Variants in NFAT5 observed in about 807,000 individuals in gnomAD.
The protein encoded by NFAT5 is nuclear factor of activated T-cells 5.
A neutral mutation model predicts 166.5 loss-of-function variants in NFAT5; 31 were observed. The observed-to-expected ratio is 0.19, with a 90% CI of 0.14 to 0.25. NFAT5 has a LOEUF of 0.25. Among genes scored for constraint, NFAT5 ranks in the 10% least tolerant of loss-of-function variants. NFAT5 has a pLI of 1.00. For missense variants in NFAT5, 1,449 were observed against 1,821.8 expected (o/e 0.80, Z 3.72); for synonymous variants, 612 against 639.7 (o/e 0.96, Z 0.65).
chr16:69,608,903 C>T (rs1371445363), intron 2 of NFAT5, among the ~76,000 whole-genome samples: 3 of 151,668 alleles, frequency 2.0e-5, no homozygotes, highest in East Asian at 3.9e-4. Context: ...GGGCGGATCA[C>T]GAGGTCAGGA....
intron 3 of NFAT5, among the ~76,000 whole-genome samples, chr16:69,645,820 T>C (rs1047248305): frequency 2.6e-5 from 4 of 152,190 alleles, no homozygotes; most frequent in African/African-American, 7.2e-5. Context: ...TAAAATGATA[T>C]CTAAAATGTT....
At chr16:69,586,923 G>A (rs1022137360) in intron 2 of NFAT5, among the ~76,000 whole-genome samples, 2 of 152,010 alleles carry the variant, frequency 1.3e-5, no homozygotes, top group Non-Finnish European at 2.9e-5. Flanking sequence ...TCTGATAAAG[G>A]TATTCTCTTT....
At chr16:69,577,460 A>G (rs2016823538) in intron 2 of NFAT5, among the ~76,000 whole-genome samples, 1 of 152,146 alleles carries the variant, frequency 6.6e-6, no homozygotes, top group African/African-American at 2.4e-5. Flanking sequence ...AAGAACAAAA[A>G]ATTTATTACC....
chr16:69,688,112 C>T (rs1018666065), intron 11 of NFAT5, among the ~76,000 whole-genome samples: 7 of 148,024 alleles, frequency 4.7e-5, no homozygotes, highest in Middle Eastern at 3.2e-3. Context: ...AGGAGAATGG[C>T]GTGAACCCGG....
At position 69,697,856 on chromosome 16, in the gene NFAT5, T is replaced by C. The variant is rs1047506401; in HGVS notation, c.*1505T>C. On this transcript the variant is annotated 3_prime_UTR_variant, in exon 15 of 15. Transcript: ENST00000349945. The stretch of plus-strand genomic sequence containing the variant: ...GTGTGGCTTCTATGTGTTGAGATAA[T>C]GTTTTGGTATCCTTGTCCGTTTCAT... 1.3e-5 allele frequency: 2 copies of C among 152,544 alleles called. No homozygotes were observed. Among genetic ancestry groups the C allele is most frequent in the East Asian group, 1.9e-4 (1 of 5,200 alleles). 9.4% of individuals were successfully genotyped at this position (152,544 alleles called of 1,614,324 possible).
chr16:69,647,084 ACCTCTT>A lies in NFAT5; in HGVS notation c.313_318del (p.Ser106_Ser107del). 1.2e-6 allele frequency: 2 copies of A among 1,608,822 alleles called. No homozygotes were observed. Among genetic ancestry groups the A allele is most frequent in the Non-Finnish European group, 1.7e-6 (2 of 1,176,460 alleles). ...GGGCGGTGCTTGCAGCTCCTTTACCACCTCTTCCAGCCCTACCATTTATTCTACCTC... is the reference window on the plus strand; with the variant it reads ...GGGCGGTGCTTGCAGCTCCTTTACCACCAGCCCTACCATTTATTCTACCTC... On this transcript the variant is annotated inframe_deletion, in exon 4 of 15. Transcript: ENST00000349945. This position sits in a 1 kb window ranked among gnomAD's most constrained non-coding sequence, Gnocchi z 4.8.
intron 2 of NFAT5, among the ~76,000 whole-genome samples, chr16:69,581,870 A>G (rs2031718724): frequency 6.6e-6 from 1 of 152,186 alleles, no homozygotes; most frequent in African/African-American, 2.4e-5. Flanking sequence ...GCTTATTAAT[A>G]TATGCATTAA....
rs1308337374 is a variant in NFAT5 at position 69,629,959 on chromosome 16, CAG to C, written c.253+3434_253+3435del. The stretch of plus-strand genomic sequence containing the variant: ...TGGGTAATTTTTTTTTTTTTTTAAA[CAG>C]AGTCTCACTCTGTCGCCCAGGCTGG... On this transcript the variant is annotated intron_variant, in intron 3 of 14. Coordinates refer to ENST00000349945, the MANE Select transcript of NFAT5 (RefSeq NM_138713.4). Among the ~76,000 whole-genome samples, 5 of 148,240 alleles carry C rather than the reference CAG, an allele frequency of 3.4e-5. No homozygotes were observed. In the East Asian group the frequency reaches 6.0e-4, roughly 18 times the overall value.
intron 2 of NFAT5, among the ~76,000 whole-genome samples, chr16:69,585,699 A>C (rs186636662): frequency 1.3e-5 from 2 of 152,334 alleles, no homozygotes; most frequent in African/African-American, 4.8e-5. Flanking sequence ...ACCCTTGAAA[A>C]CATACGCAAA....
At chr16:69,580,300 G>C (rs1003758914) in intron 2 of NFAT5, among the ~76,000 whole-genome samples, 1 of 152,008 alleles carries the variant, frequency 6.6e-6, no homozygotes, top group Non-Finnish European at 1.5e-5. Context: ...GGCCAAGGTG[G>C]GTGGATCACC....
Position 69,612,862 on chromosome 16 carries a change from C to CA in NFAT5, c.128-13529dup, listed in dbSNP as rs200524788. Among the ~76,000 whole-genome samples the CA allele has an allele frequency of 3.4e-3, 387 of 114,386 alleles. 4 individuals carry two copies. The highest frequency in any genetic ancestry group is 9.4e-3 in the African/African-American group (282 of 30,094). The allele number at this position is 114,386 out of a possible 152,430, so 75.0% of individuals were successfully genotyped here. A position where few individuals can be genotyped will look rare whatever the true frequency, so the allele number is the denominator to read the frequency against. On this transcript the variant is annotated intron_variant, in intron 2 of 14. Coordinates refer to ENST00000349945, the MANE Select transcript of NFAT5 (RefSeq NM_138713.4). ...TGGGTGACAGGGCGAAATCCTGTCT[C>CA]AAAAAAAAAAAAGGCAAAACTGTAG...
intron 1 of NFAT5, among the ~76,000 whole-genome samples, chr16:69,567,478 A>T (rs2016134615): frequency 6.6e-6 from 1 of 152,290 alleles, no homozygotes; most frequent in African/African-American, 2.4e-5. Context: ...TGTAAAAAAA[A>T]ATGTAGGTGT....
chr16:69,655,773 T>C lies in NFAT5; in HGVS notation c.1170T>C (p.Leu390=). ...IEGTTVIEVG[L]DPSNNMTLAV... ...GCACTACTGTTATAGAAGTCGGCCT[T>C]GATCCTAGCAACAACATGACACTGG... is the stretch of plus-strand genomic sequence containing the variant. Residue 390 remains leucine (L), a synonymous_variant, in exon 6 of 15, where the codon CTT becomes CTC. Transcript: ENST00000349945. The C allele has an allele frequency of 6.2e-7, 1 of 1,613,250 alleles. No individual in the cohort carries two copies. Among genetic ancestry groups the C allele is most frequent in the Non-Finnish European group, 8.5e-7 (1 of 1,179,464 alleles).
intron 10 of NFAT5, among the ~76,000 whole-genome samples, chr16:69,678,820 G>A (rs1177838417): frequency 2.0e-5 from 3 of 152,052 alleles, no homozygotes; most frequent in African/African-American, 7.2e-5. Context: ...TAAAGAATGG[G>A]GCAAAGAAAG....
intron 2 of NFAT5, among the ~76,000 whole-genome samples, chr16:69,609,837 A>G (rs970953490): frequency 1.2e-4 from 18 of 151,180 alleles, no homozygotes; most frequent in South Asian, 2.1e-4. Context: ...AAAAAAAAAA[A>G]AAAAGAAAAA....
At chr16:69,613,207 G>A (rs74340481) in intron 2 of NFAT5, among the ~76,000 whole-genome samples, 6,723 of 152,070 alleles carry the variant, frequency 0.044, 508 homozygotes, top group African/African-American at 0.15. Context: ...CTTTAAATTC[G>A]TAGCCTATTG....
rs139922012 is a variant in NFAT5 at position 69,570,186 on chromosome 16, T to G, written c.127+1638T>G. Among the ~76,000 whole-genome samples, 131 of 152,310 alleles carry G rather than the reference T, an allele frequency of 8.6e-4. 1 individual carries two copies. The East Asian group carries it at 0.01, about 12-fold the overall frequency. On this transcript the variant is annotated intron_variant, in intron 2 of 14. Coordinates refer to ENST00000349945, the MANE Select transcript of NFAT5 (RefSeq NM_138713.4). ...AATTTTTCATTTTAGTTAAGGGGAT[T>G]CTCATTTAAAGTAAGGCTACCCTTT...
At chr16:69,577,542 A>G (rs896135657) in intron 2 of NFAT5, among the ~76,000 whole-genome samples, 12 of 152,178 alleles carry the variant, frequency 7.9e-5, no homozygotes, top group Non-Finnish European at 1.8e-4. Flanking sequence ...ACAAAAAGGT[A>G]AAGAGTACGC....
intron 2 of NFAT5, among the ~76,000 whole-genome samples, chr16:69,621,060 G>T (rs2034173624): frequency 6.6e-6 from 1 of 151,940 alleles, no homozygotes. Context: ...TAGGATAACT[G>T]CCTGCAGCAT....
Sources: gnomAD v4.1 joint callset for allele counts (sites outside exome capture counted in the v4.1 genomes callset) on GRCh38, gnomAD v4.1.1 for gene constraint, Gnocchi (gnomAD v3.1) non-coding constraint, MANE v1.5 for transcripts, NCBI Gene and HGNC (gene_info 2026-07-23, HGNC 2026-07-21) for gene names.